Variants in FGF12 observed in about 807,000 individuals in gnomAD.
FGF12 encodes fibroblast growth factor 12.
In FGF12, 14 loss-of-function variants were observed where a neutral mutation model predicts 23.6. The ratio of observed to expected loss-of-function variants is 0.59; its 90% confidence interval spans 0.39 to 0.93. FGF12 has a LOEUF of 0.93. Among genes scored for constraint, FGF12 ranks in the 40% least tolerant of loss-of-function variants. The pLI, the probability that FGF12 is intolerant of heterozygous loss-of-function variation, is 0.00. For synonymous variants in FGF12, 62 were observed against 77.3 expected (o/e 0.80, Z 1.04); for missense variants, 175 against 217.8 (o/e 0.80, Z 1.24).
chr3:192,666,541 C>T (rs1351067641), intron 2 of FGF12, among the ~76,000 whole-genome samples: 3 of 152,186 alleles, frequency 2.0e-5, no homozygotes, highest in African/African-American at 4.8e-5. Context: ...CAGGGCTCAC[C>T]TATTTTTTAT....
chr3:192,305,723 G>A (rs1225656582), intron 4 of FGF12, among the ~76,000 whole-genome samples: 1 of 146,296 alleles, frequency 6.8e-6, no homozygotes, highest in Admixed American at 6.8e-5. Flanking sequence ...ATGAAAAACT[G>A]TGTGAAAAGA....
chr3:192,361,230 A>G (rs1440874564), intron 2 of FGF12, among the ~76,000 whole-genome samples: 1 of 151,920 alleles, frequency 6.6e-6, no homozygotes, highest in Non-Finnish European at 1.5e-5. Context: ...TTCAAACCAG[A>G]ATTGCTCAAC....
At chr3:192,468,115 G>C (rs1723063561) in intron 2 of FGF12, among the ~76,000 whole-genome samples, 1 of 152,162 alleles carries the variant, frequency 6.6e-6, no homozygotes, top group Admixed American at 6.5e-5. Flanking sequence ...GAGACATGGA[G>C]TTCTATGACT....
chr3:192,713,614 G>C (rs1199562026), intron 2 of FGF12, among the ~76,000 whole-genome samples: 1 of 152,142 alleles, frequency 6.6e-6, no homozygotes, highest in Non-Finnish European at 1.5e-5. Flanking sequence ...CGATTCACTG[G>C]GGTCAGTTGA....
At chr3:192,473,483 C>T (rs569613823) in intron 2 of FGF12, among the ~76,000 whole-genome samples, 105 of 152,304 alleles carry the variant, frequency 6.9e-4, no homozygotes, top group Admixed American at 1.5e-3. Flanking sequence ...TAGCTGGTTA[C>T]ACTCTATCTA....
At chr3:192,251,762 C>G (rs1031710767) in intron 4 of FGF12, among the ~76,000 whole-genome samples, 4 of 151,688 alleles carry the variant, frequency 2.6e-5, no homozygotes, top group Non-Finnish European at 5.9e-5. Context: ...ATAGTATGAT[C>G]CTATTTATAT....
intron 2 of FGF12, among the ~76,000 whole-genome samples, chr3:192,628,368 G>T (rs1715252935): frequency 1.3e-5 from 2 of 150,974 alleles, no homozygotes; most frequent in African/African-American, 2.4e-5. Context: ...AAACTCAAGA[G>T]CATAACATAA....
intron 2 of FGF12, among the ~76,000 whole-genome samples, chr3:192,715,920 G>A (rs528306327): frequency 6.6e-6 from 1 of 152,286 alleles, no homozygotes; most frequent in South Asian, 2.1e-4. Context: ...GGATAATGCT[G>A]GGCTAATTGT....
chr3:192,337,124 G>A (rs1196020360), intron 3 of FGF12, among the ~76,000 whole-genome samples: 4 of 152,048 alleles, frequency 2.6e-5, no homozygotes, highest in Non-Finnish European at 4.4e-5. Context: ...AGTCTAGTTG[G>A]GGAGAAAAAG....
intron 4 of FGF12, among the ~76,000 whole-genome samples, chr3:192,259,755 C>T (rs960586827): frequency 6.6e-6 from 1 of 151,944 alleles, no homozygotes; most frequent in Non-Finnish European, 1.5e-5. Flanking sequence ...ATGTTCTTAC[C>T]ACAAAATAGT....
At chr3:192,640,691 C>A (rs1330993424) in intron 2 of FGF12, among the ~76,000 whole-genome samples, 1 of 152,184 alleles carries the variant, frequency 6.6e-6, no homozygotes, top group Non-Finnish European at 1.5e-5. Context: ...GTTCATTTTT[C>A]TATATACAAT....
At chr3:192,334,528 A>G (rs954651110) in intron 4 of FGF12, among the ~76,000 whole-genome samples, 1 of 152,118 alleles carries the variant, frequency 6.6e-6, no homozygotes, top group East Asian at 1.9e-4. Flanking sequence ...AAATACACAC[A>G]TATACACACA....
At chr3:192,301,609 C>G (rs1440737441) in intron 4 of FGF12, among the ~76,000 whole-genome samples, 1 of 152,086 alleles carries the variant, frequency 6.6e-6, no homozygotes, top group Non-Finnish European at 1.5e-5. Context: ...CAAAGGCATG[C>G]ATAGTCTCGT....
intron 2 of FGF12, among the ~76,000 whole-genome samples, chr3:192,377,080 C>T (rs1017914505): frequency 2.0e-5 from 3 of 152,318 alleles, no homozygotes; most frequent in East Asian, 1.9e-4. Context: ...AAGTGGTCCC[C>T]GTTTGGGTTT....
intron 2 of FGF12, among the ~76,000 whole-genome samples, chr3:192,594,778 A>G (rs1713772334): frequency 6.6e-6 from 1 of 151,838 alleles, no homozygotes; most frequent in Non-Finnish European, 1.5e-5. Context: ...ACCAGACGCA[A>G]CCCCTCAGTC....
intron 2 of FGF12, among the ~76,000 whole-genome samples, chr3:192,470,902 C>T (rs1351696443): frequency 6.6e-6 from 1 of 152,172 alleles, no homozygotes; most frequent in Non-Finnish European, 1.5e-5. Flanking sequence ...CTTCACTCTT[C>T]CTCCTCCACA....
intron 2 of FGF12, among the ~76,000 whole-genome samples, chr3:192,704,671 T>G (rs1718410755): frequency 6.6e-6 from 1 of 152,240 alleles, no homozygotes; most frequent in African/African-American, 2.4e-5. Context: ...GCCTGTCCTT[T>G]GAAGCTTTGA....
chr3:192,665,940 C>T (rs566161774), intron 2 of FGF12, among the ~76,000 whole-genome samples: 137 of 152,252 alleles, frequency 9.0e-4, no homozygotes, highest in Admixed American at 2.2e-3. Flanking sequence ...CTCAAAGTTT[C>T]TAGTAGTTTT....
At chr3:192,564,116 T>C (rs1198524243) in intron 2 of FGF12, among the ~76,000 whole-genome samples, 1 of 152,170 alleles carries the variant, frequency 6.6e-6, no homozygotes, top group African/African-American at 2.4e-5. Context: ...CAGGCTGGAG[T>C]GCAGTGGCGC....
Sources: gnomAD v4.1 joint callset for allele counts (sites outside exome capture counted in the v4.1 genomes callset) on GRCh38, gnomAD v4.1.1 for gene constraint, MANE v1.5 for transcripts, NCBI Gene and HGNC (gene_info 2026-07-23, HGNC 2026-07-21) for gene names.